The following GPNMB variants were observed in gnomAD, a reference collection of about 807,000 sequenced individuals.
The protein encoded by GPNMB is glycoprotein nmb.
Under a neutral mutation model 57.3 loss-of-function variants are expected in GPNMB, and 71 were observed. The observed-to-expected ratio is 1.24, with a 90% CI of 1.02 to 1.51. GPNMB has a LOEUF of 1.51. GPNMB is among the 40% of genes most tolerant of loss of function. The pLI is 0.00. For synonymous variants in GPNMB, 253 were observed against 263.2 expected (o/e 0.96, Z 0.38); for missense variants, 677 against 691.9 (o/e 0.98, Z 0.24).
intron 7 of GPNMB, 101 bp downstream of exon 7, chr7:23,266,716 G>T: frequency 1.0e-6 from 1 of 987,122 alleles, no homozygotes; most frequent in Non-Finnish European, 1.5e-6. Flanking sequence ...AGGTGGTAAG[G>T]GCACCCCTCT....
intron 2 of GPNMB, among the ~76,000 whole-genome samples, chr7:23,253,780 T>G (rs1289894165): frequency 6.6e-6 from 1 of 152,180 alleles, no homozygotes; most frequent in Non-Finnish European, 1.5e-5. Context: ...CAAAGCCATT[T>G]TTACTGTCTC....
chr7:23,267,606 T>C (rs1783096670), intron 7 of GPNMB, among the ~76,000 whole-genome samples: 1 of 152,166 alleles, frequency 6.6e-6, no homozygotes, highest in Non-Finnish European at 1.5e-5. Context: ...GGTTCATAGA[T>C]GGCAGATAGC....
chr7:23,265,086 AAC>A (rs1345190882), intron 6 of GPNMB, among the ~76,000 whole-genome samples: 5 of 152,200 alleles, frequency 3.3e-5, no homozygotes, highest in Non-Finnish European at 5.9e-5. Flanking sequence ...CATTCGATCT[AAC>A]ACAGTGTCTG....
At position 23,260,128 on chromosome 7, in the gene GPNMB, CG is replaced by C; in HGVS notation, c.691del (p.Val231TrpfsTer2). 1 of 1,613,792 alleles carries C rather than the reference CG, an allele frequency of 6.2e-7. No individual in the cohort carries two copies. The highest frequency in any genetic ancestry group is 8.5e-7 in the Non-Finnish European group (1 of 1,179,798). ...CCATCGCACAAGTGAAAGATGTGTA[CG>C]TGGTAACAGGTGAGTGGTGTGAACT... is the stretch of plus-strand genomic sequence containing the variant. The part of the protein sequence containing the change: ...VPIAQVKDVY[V>X]VTDQIPVFVT... On this transcript the variant is annotated frameshift_variant, in exon 5 of 11. Coordinates refer to ENST00000258733, the MANE Select transcript of GPNMB (RefSeq NM_002510.3). LOFTEE classifies it high-confidence loss of function.
intron 10 of GPNMB, chr7:23,273,842 A>C (rs1400643615): frequency 3.4e-6 from 2 of 585,718 alleles, no homozygotes; most frequent in African/African-American, 3.8e-5. Context: ...AAATTATGTC[A>C]ACTTAATTTT....
chr7:23,258,696 C>G (rs573946804), intron 4 of GPNMB, among the ~76,000 whole-genome samples: 44 of 152,340 alleles, frequency 2.9e-4, no homozygotes, highest in Non-Finnish European at 4.1e-4. Flanking sequence ...TAAGTATGGT[C>G]TCACCTCTCA....
At position 23,273,439 on chromosome 7, in the gene GPNMB, T is replaced by C. The variant is rs950014625; in HGVS notation, c.1430-82T>C. The stretch of plus-strand genomic sequence containing the variant: ...CATATATCTTCTGTGACGGCTCCCT[T>C]CCTCATTTATTTAATGGCATTATAA... On this transcript the variant is annotated intron_variant, in intron 9 of 10. Coordinates refer to ENST00000258733, the MANE Select transcript of GPNMB (RefSeq NM_002510.3). 7.0e-6 allele frequency: 6 copies of C among 860,524 alleles called. No homozygotes were observed. In the African/African-American group the frequency reaches 1.0e-4, roughly 14 times the overall value. 53.3% of individuals were successfully genotyped at this position (860,524 alleles called of 1,614,324 possible).
chr7:23,271,220 G>A (rs956354296), intron 9 of GPNMB, among the ~76,000 whole-genome samples: 1 of 152,218 alleles, frequency 6.6e-6, no homozygotes, highest in Non-Finnish European at 1.5e-5. Flanking sequence ...GATGACAGGA[G>A]GCAGAGCTTG....
chr7:23,257,161 G>T, intron 4 of GPNMB, 96 bp downstream of exon 4: 1 of 1,089,378 alleles, frequency 9.2e-7, no homozygotes, highest in African/African-American at 1.5e-5. Flanking sequence ...ATAACACAGA[G>T]AGTTAATAAC....
chr7:23,257,882 G>A (rs1782819868), intron 4 of GPNMB: 1 of 152,038 alleles, frequency 6.6e-6, no homozygotes. Flanking sequence ...TTATTATGGT[G>A]TTTTCTTTGC....
intron 4 of GPNMB, chr7:23,257,780 C>G (rs1024555526): frequency 1.3e-5 from 2 of 152,070 alleles, no homozygotes; most frequent in African/African-American, 4.8e-5. Flanking sequence ...TTTAAAGAAG[C>G]ATGTGCTATT....
At chr7:23,250,556 C>G (rs1385971990) in intron 1 of GPNMB, among the ~76,000 whole-genome samples, 1 of 137,648 alleles carries the variant, frequency 7.3e-6, no homozygotes, top group Non-Finnish European at 1.6e-5. Flanking sequence ...ATAGTGGGAC[C>G]CCCATCTCTT....
chr7:23,266,665 G>C (rs376767608), intron 7 of GPNMB, 50 bp downstream of exon 7: 34 of 1,566,382 alleles, frequency 2.2e-5, no homozygotes, highest in Admixed American at 7.0e-5. Context: ...ACTCCACCTA[G>C]GGTCACCCAC....
rs553843569 is a variant in GPNMB at position 23,274,447 on chromosome 7, G to A, written c.*223G>A. The A allele has an allele frequency of 4.8e-6, 2 of 417,522 alleles. No individual in the cohort carries two copies. The highest frequency in any genetic ancestry group is 8.5e-6 in the Non-Finnish European group (2 of 235,878). 25.9% of individuals were successfully genotyped at this position (417,522 alleles called of 1,614,324 possible). ...AAACTGATAAAAGCAACTTAGCAAG[G>A]CTTCTTTTCATTATTTTTTATGTTT... On this transcript the variant is annotated 3_prime_UTR_variant, in exon 11 of 11. Transcript: ENST00000258733.
chr7:23,272,846 CTTTT>C (rs34346503), intron 9 of GPNMB, among the ~76,000 whole-genome samples: 2 of 139,624 alleles, frequency 1.4e-5, no homozygotes, highest in Non-Finnish European at 3.1e-5. Context: ...AGGTGGTGAT[CTTTT>C]TTTTTTTTTT....
intron 1 of GPNMB, among the ~76,000 whole-genome samples, chr7:23,251,747 T>G (rs140932209): frequency 1.3e-5 from 2 of 152,306 alleles, no homozygotes; most frequent in South Asian, 4.1e-4. Context: ...GAGGAAAACC[T>G]TTCTCAGAAG....
intron 1 of GPNMB, among the ~76,000 whole-genome samples, chr7:23,249,858 G>A (rs764102661): frequency 2.0e-5 from 3 of 152,194 alleles, no homozygotes; most frequent in Admixed American, 6.6e-5. Flanking sequence ...ATAGTTGCAT[G>A]TTTAGTTTTG....
chr7:23,253,642 A>G (rs1246464374), intron 2 of GPNMB, among the ~76,000 whole-genome samples, 183 bp downstream of exon 2: 1 of 152,188 alleles, frequency 6.6e-6, no homozygotes, highest in Non-Finnish European at 1.5e-5. Context: ...CACTTCCTAA[A>G]CCACAAGTAA....
chr7:23,247,923 A>T (rs963474508), intron 1 of GPNMB: 5 of 152,334 alleles, frequency 3.3e-5, no homozygotes, highest in African/African-American at 1.2e-4. Flanking sequence ...CGGCACTGTG[A>T]TGGTCCCGCT....
Sources: gnomAD v4.1 joint callset for allele counts (sites outside exome capture counted in the v4.1 genomes callset) on GRCh38, gnomAD v4.1.1 for gene constraint, MANE v1.5 for transcripts, NCBI Gene and HGNC (gene_info 2026-07-23, HGNC 2026-07-21) for gene names.